PLD1: variants seen among roughly 807,000 people sequenced by gnomAD.
The protein encoded by PLD1 is phospholipase D1.
In PLD1, 112 loss-of-function variants were observed where a neutral mutation model predicts 137.1. The observed-to-expected ratio is 0.82, with a 90% CI of 0.70 to 0.96. The LOEUF is 0.96. PLD1 is among the 40% of genes least tolerant of loss of function. The probability of loss-of-function intolerance (pLI) is 0.00; values close to 1 mark genes in which losing one functional copy is unlikely to be tolerated. For missense variants in PLD1, 1,321 were observed against 1,342.0 expected, an observed-to-expected ratio of 0.98 and a Z score of 0.24; for synonymous variants, 431 against 454.7, an observed-to-expected ratio of 0.95 and a Z score of 0.66.
intron 1 of PLD1, among the ~76,000 whole-genome samples, chr3:171,760,210 CTTTCT>C (rs1721300648): frequency 6.6e-6 from 1 of 152,076 alleles, no homozygotes; most frequent in African/African-American, 2.4e-5. Context: ...GGTAGAAATT[CTTTCT>C]TTTATTGAGT....
rs1394736944 is a variant in PLD1 at position 171,612,624 on chromosome 3, G to A, written c.2729-192C>T. Among the ~76,000 whole-genome samples, 1 of 152,132 alleles carries A rather than the reference G, an allele frequency of 6.6e-6. No individual in the cohort carries two copies. The highest frequency in any genetic ancestry group is 1.5e-5 in the Non-Finnish European group (1 of 68,018). ...TCTTAATCAGTCTAAGCCAGCCATG[G>A]TAATTTCATTATTTTTATTAGTGAC... On this transcript the variant is annotated intron_variant, in intron 24 of 26. Transcript: ENST00000351298. This position sits in a 1 kb window ranked among gnomAD's most constrained non-coding sequence, Gnocchi z 4.1.
chr3:171,792,594 G>T (rs1723259927), intron 1 of PLD1: 2 of 456,734 alleles, frequency 4.4e-6, no homozygotes, highest in Non-Finnish European at 8.8e-6. Context: ...CCCCAGACTG[G>T]CTGAGGCTGA....
At chr3:171,740,101 C>T (rs367693443) in intron 1 of PLD1, among the ~76,000 whole-genome samples, 5 of 152,112 alleles carry the variant, frequency 3.3e-5, no homozygotes, top group South Asian at 2.1e-4. Flanking sequence ...TCTTTTAACA[C>T]GAAAACCCTA....
At chr3:171,770,917 C>T (rs1055948607) in intron 1 of PLD1, among the ~76,000 whole-genome samples, 2 of 136,160 alleles carry the variant, frequency 1.5e-5, no homozygotes, top group East Asian at 2.0e-4. Context: ...AAAAAGGGGG[C>T]GGGGGCAGGG....
intron 1 of PLD1, among the ~76,000 whole-genome samples, chr3:171,805,285 G>C (rs1578490371): frequency 6.6e-6 from 1 of 152,156 alleles, no homozygotes; most frequent in Admixed American, 6.5e-5. Flanking sequence ...GAGGGGAGCT[G>C]AGGGTCACGG....
intron 1 of PLD1, chr3:171,771,465 G>C (rs982196465): frequency 6.6e-6 from 1 of 152,192 alleles, no homozygotes; most frequent in Non-Finnish European, 1.5e-5. Context: ...AAGAGACACC[G>C]GACTGCTGTG....
At chr3:171,731,472 T>A (rs1718941456) in intron 6 of PLD1, among the ~76,000 whole-genome samples, 1 of 152,146 alleles carries the variant, frequency 6.6e-6, no homozygotes, top group Non-Finnish European at 1.5e-5. Context: ...GAGAGAATAA[T>A]CTCAGTAACC....
At chr3:171,680,866 T>A (rs1713903113) in intron 16 of PLD1, among the ~76,000 whole-genome samples, 2 of 152,190 alleles carry the variant, frequency 1.3e-5, no homozygotes, top group African/African-American at 4.8e-5. Flanking sequence ...GGAAAAAGTT[T>A]CTCCCATTTA....
At chr3:171,773,621 A>G (rs1002016696) in intron 1 of PLD1, among the ~76,000 whole-genome samples, 1 of 150,596 alleles carries the variant, frequency 6.6e-6, no homozygotes, top group African/African-American at 2.5e-5. Flanking sequence ...AACAAAACAA[A>G]CAAACTAACT....
At chr3:171,795,628 G>A (rs562490123) in intron 1 of PLD1, among the ~76,000 whole-genome samples, 2 of 152,246 alleles carry the variant, frequency 1.3e-5, no homozygotes, top group African/African-American at 4.8e-5. Context: ...TCTGAAACAA[G>A]GCCTCCACCT....
chr3:171,639,820 T>TTC (rs778938858), intron 23 of PLD1, among the ~76,000 whole-genome samples: 1,387 of 117,992 alleles, frequency 0.012, 51 homozygotes, highest in Admixed American at 0.06. Context: ...TTTACATAAT[T>TTC]TCTCTCTCTC....
chr3:171,615,890 T>G (rs1733062609), intron 24 of PLD1, among the ~76,000 whole-genome samples: 1 of 152,216 alleles, frequency 6.6e-6, no homozygotes, highest in African/African-American at 2.4e-5. Flanking sequence ...AGGCGTGGGT[T>G]GCTAAGCTGC....
chr3:171,746,089 G>C (rs1354063172), intron 1 of PLD1, among the ~76,000 whole-genome samples: 7 of 152,314 alleles, frequency 4.6e-5, no homozygotes, highest in African/African-American at 1.4e-4. Context: ...CACTGCGCTT[G>C]AATTCTCACT....
At chr3:171,756,199 C>A (rs191852751) in intron 1 of PLD1, among the ~76,000 whole-genome samples, 2 of 152,170 alleles carry the variant, frequency 1.3e-5, no homozygotes, top group East Asian at 1.9e-4. Flanking sequence ...CTTTCCACCC[C>A]CTTCTGCCAG....
intron 21 of PLD1, among the ~76,000 whole-genome samples, chr3:171,652,776 T>C (rs1401853720): frequency 1.1e-5 from 1 of 92,992 alleles, no homozygotes; most frequent in Admixed American, 9.4e-5. Context: ...ATTTTTTTTT[T>C]TTTTTTTTTT....
intron 12 of PLD1, among the ~76,000 whole-genome samples, chr3:171,698,471 G>A (rs1715952090): frequency 6.6e-6 from 1 of 152,060 alleles, no homozygotes; most frequent in Admixed American, 6.5e-5. Flanking sequence ...TATATTTGTG[G>A]ATATCCCCAG....
At chr3:171,755,103 G>T (rs1455167102) in intron 1 of PLD1, among the ~76,000 whole-genome samples, 1 of 152,036 alleles carries the variant, frequency 6.6e-6, no homozygotes, top group Non-Finnish European at 1.5e-5. Context: ...TGGGCCACAC[G>T]AACTATCTGC....
In PLD1 at chr3:171,730,646, C is replaced by CT. The variant is rs35101789; in HGVS notation, c.606+2797dup. Among the ~76,000 whole-genome samples, 474 of 134,764 alleles carry CT rather than the reference C, an allele frequency of 3.5e-3. 13 individuals carry two copies. The highest frequency in any genetic ancestry group is 0.014 in the Middle Eastern group (4 of 276). The allele number at this position is 134,764 out of a possible 152,430, so 88.4% of individuals were successfully genotyped here. A position where few individuals can be genotyped will look rare whatever the true frequency, so the allele number is the denominator to read the frequency against. ...CACCTTTATAATAAATCTATCTCCA[C>CT]TTTTTTTTTTTTGGCAGAGTCTTCC... is the stretch of plus-strand genomic sequence containing the variant. On this transcript the variant is annotated intron_variant, in intron 6 of 26. Transcript: ENST00000351298.
Position 171,808,815 on chromosome 3 carries a change from A to ATTTTTTTTTTTTTTT in PLD1, c.-32+1569_-32+1583dup, listed in dbSNP as rs60146546. Reference sequence around the variant, plus strand: ...TTTTTCCTCAAAGCCTTAGCATTCAATTTTTTTTTTTTTTTTTTTTTTTTT... The same window carrying ATTTTTTTTTTTTTTT: ...TTTTTCCTCAAAGCCTTAGCATTCAATTTTTTTTTTTTTTTTTTTTTTTTTTTTTTTTTTTTTTTT... On this transcript the variant is annotated intron_variant, in intron 1 of 26. Transcript: ENST00000351298. 4.9e-3 allele frequency among the ~76,000 whole-genome samples: 420 copies of ATTTTTTTTTTTTTTT among 86,220 alleles called. 29 individuals carry two copies. Among genetic ancestry groups the ATTTTTTTTTTTTTTT allele is most frequent in the Non-Finnish European group, 6.0e-3 (290 of 48,104 alleles). 56.6% of individuals were successfully genotyped at this position (86,220 alleles called of 152,430 possible).
Sources: allele counts gnomAD v4.1 joint callset (sites outside exome capture counted in the v4.1 genomes callset), GRCh38; gene constraint gnomAD v4.1.1; non-coding constraint Gnocchi (gnomAD v3.1); transcripts MANE v1.5; gene names NCBI Gene and HGNC (gene_info 2026-07-23, HGNC 2026-07-21).